Variants in NARS2 observed in about 807,000 individuals in gnomAD.
NARS2 encodes asparaginyl-tRNA synthetase 2, mitochondrial.
Under a neutral mutation model 62.9 loss-of-function variants are expected in NARS2, and 60 were observed. The ratio of observed to expected loss-of-function variants is 0.95; its 90% confidence interval spans 0.77 to 1.18. NARS2 has a LOEUF of 1.18. Among genes scored for constraint, NARS2 ranks in the 50% most tolerant of loss-of-function variants. The pLI is 0.00. For missense variants in NARS2, 619 were observed against 576.4 expected (o/e 1.07, Z -0.76); for synonymous variants, 196 against 200.0 (o/e 0.98, Z 0.17).
intron 11 of NARS2, among the ~76,000 whole-genome samples, chr11:78,457,820 ACACACACAAAC>A (rs1591142304): frequency 1.3e-5 from 2 of 151,498 alleles, no homozygotes; most frequent in Admixed American, 6.6e-5. Context: ...ACACACACAC[ACACACACAAAC>A]ACACACACAC....
chr11:78,528,350 GA>G (rs1462478050), intron 6 of NARS2, among the ~76,000 whole-genome samples: 1 of 152,180 alleles, frequency 6.6e-6, no homozygotes, highest in African/African-American at 2.4e-5. Context: ...GGAATACAGT[GA>G]CTTTCCAGAG....
At chr11:78,495,843 T>C (rs2135337231) in intron 6 of NARS2, among the ~76,000 whole-genome samples, 1 of 152,276 alleles carries the variant, frequency 6.6e-6, no homozygotes, top group Non-Finnish European at 1.5e-5. Flanking sequence ...GTACAGTACA[T>C]CTAAATAAGT....
chr11:78,536,811 T>C (rs1183600073), intron 5 of NARS2, among the ~76,000 whole-genome samples: 2 of 152,210 alleles, frequency 1.3e-5, no homozygotes, highest in Admixed American at 1.3e-4. Context: ...TCCTACTCAC[T>C]TATAATTCAC....
intron 4 of NARS2, among the ~76,000 whole-genome samples, chr11:78,565,082 T>C (rs1455818145): frequency 6.6e-6 from 1 of 152,222 alleles, no homozygotes; most frequent in Non-Finnish European, 1.5e-5. Context: ...GATCACTCCT[T>C]GTCTTTGGGG....
In NARS2 at chr11:78,552,351, C is replaced by T. The variant is rs190263051; in HGVS notation, c.594+7188G>A. 4.5e-3 allele frequency among the ~76,000 whole-genome samples: 685 copies of T among 152,270 alleles called. 5 individuals carry two copies. Among genetic ancestry groups the T allele is most frequent in the African/African-American group, 0.016 (656 of 41,554 alleles). ...TTCCTTTTTATGGCTGCATAATATTCTACGGTGTATGTGTACCATATTTTC... is the reference window on the plus strand; with the variant it reads ...TTCCTTTTTATGGCTGCATAATATTTTACGGTGTATGTGTACCATATTTTC... On this transcript the variant is annotated intron_variant, in intron 5 of 13. Transcript: ENST00000281038.
chr11:78,538,062 C>T (rs1370814467), intron 5 of NARS2, among the ~76,000 whole-genome samples: 1 of 152,140 alleles, frequency 6.6e-6, no homozygotes, highest in Non-Finnish European at 1.5e-5. Flanking sequence ...CTCCATCCTG[C>T]CCTGGACATG....
intron 11 of NARS2, among the ~76,000 whole-genome samples, chr11:78,461,899 G>C (rs912051782): frequency 6.6e-6 from 1 of 152,044 alleles, no homozygotes; most frequent in South Asian, 2.1e-4. Context: ...GGTGCAATGA[G>C]CCAAGATCGT....
intron 5 of NARS2, among the ~76,000 whole-genome samples, chr11:78,534,047 T>C (rs1240048274): frequency 1.3e-5 from 2 of 152,206 alleles, no homozygotes; most frequent in East Asian, 1.9e-4. Context: ...TATTTCTCCA[T>C]TTACCTAATA....
At chr11:78,439,196 C>T (rs1249062297) in intron 13 of NARS2, among the ~76,000 whole-genome samples, 1 of 152,104 alleles carries the variant, frequency 6.6e-6, no homozygotes, top group Non-Finnish European at 1.5e-5. Context: ...TGTCACCACG[C>T]TGGGCTAATG....
chr11:78,538,911 C>T (rs541284008), intron 5 of NARS2, among the ~76,000 whole-genome samples: 3 of 134,536 alleles, frequency 2.2e-5, no homozygotes, highest in East Asian at 2.4e-4. Flanking sequence ...AGGAGAATGG[C>T]GTGAACCTGG....
At chr11:78,543,049 G>A (rs971131365) in intron 5 of NARS2, among the ~76,000 whole-genome samples, 1 of 152,128 alleles carries the variant, frequency 6.6e-6, no homozygotes, top group Non-Finnish European at 1.5e-5. Context: ...ACGGTGGTGG[G>A]TGCCTGTAAT....
chr11:78,494,269 T>C (rs1205468195), intron 6 of NARS2, among the ~76,000 whole-genome samples: 1 of 152,200 alleles, frequency 6.6e-6, no homozygotes, highest in African/African-American at 2.4e-5. Context: ...CAAGCACATA[T>C]GAAGTAATAA....
rs545741204 is a variant in NARS2, at chr11:78,535,779, T to C, written c.595-6843A>G. Among the ~76,000 whole-genome samples the C allele has an allele frequency of 2.4e-3, 360 of 151,938 alleles. 2 individuals are homozygous for C. Among genetic ancestry groups the C allele is most frequent in the African/African-American group, 8.4e-3 (348 of 41,476 alleles). ...ATTACAGGCATGCACCACCACGCCT[T>C]GCTAATTTTGTATTTTTAGTAGAGA... On this transcript the variant is annotated intron_variant, in intron 5 of 13. Coordinates refer to ENST00000281038, the MANE Select transcript of NARS2 (RefSeq NM_024678.6).
intron 11 of NARS2, among the ~76,000 whole-genome samples, chr11:78,463,044 A>G (rs1858457269): frequency 5.9e-5 from 9 of 152,164 alleles, no homozygotes; most frequent in Admixed American, 5.2e-4. Context: ...TTCTTACTTT[A>G]TATTATTGCC....
chr11:78,557,554 G>C (rs1380459871), intron 5 of NARS2, among the ~76,000 whole-genome samples: 1 of 152,182 alleles, frequency 6.6e-6, no homozygotes, highest in Non-Finnish European at 1.5e-5. Flanking sequence ...TGAAACCTGA[G>C]CTAGATCCTG....
rs59664343 is a variant in NARS2, at chr11:78,461,602, T to TAAAAAAAAAAA, written c.1164+4263_1164+4273dup. Among the ~76,000 whole-genome samples the TAAAAAAAAAAA allele has an allele frequency of 5.8e-4, 37 of 64,074 alleles. 3 individuals carry two copies. The highest frequency in any genetic ancestry group is 2.1e-3 in the African/African-American group (35 of 16,412). 42.0% of individuals were successfully genotyped at this position (64,074 alleles called of 152,430 possible). A position where few individuals can be genotyped will look rare whatever the true frequency, so the allele number is the denominator to read the frequency against. ...GAATGAGTGGGAGATGCTGTGCTGG[T>TAAAAAAAAAAA]AAAAAAAAAAAAAAAAAAAAAAAAA... On this transcript the variant is annotated intron_variant, in intron 11 of 13. Coordinates refer to ENST00000281038, the MANE Select transcript of NARS2 (RefSeq NM_024678.6).
At chr11:78,443,019 A>G (rs1339756012) in intron 12 of NARS2, among the ~76,000 whole-genome samples, 2 of 152,146 alleles carry the variant, frequency 1.3e-5, no homozygotes, top group South Asian at 2.1e-4. Context: ...AAGAACACAG[A>G]TAAGATAAAA....
chr11:78,550,389 C>A (rs1400818531), intron 5 of NARS2, among the ~76,000 whole-genome samples: 1 of 152,128 alleles, frequency 6.6e-6, no homozygotes, highest in Admixed American at 6.5e-5. Flanking sequence ...TTCCTTCAGT[C>A]ATTTTCTGTC....
At chr11:78,491,026 A>G (rs139790543) in intron 7 of NARS2, among the ~76,000 whole-genome samples, 9 of 152,356 alleles carry the variant, frequency 5.9e-5, no homozygotes, top group African/African-American at 2.2e-4. Flanking sequence ...ATGGTAAAAT[A>G]TAATTGTAGA....
Sources: gnomAD v4.1 joint callset for allele counts (sites outside exome capture counted in the v4.1 genomes callset) on GRCh38, gnomAD v4.1.1 for gene constraint, MANE v1.5 for transcripts, NCBI Gene and HGNC (gene_info 2026-07-23, HGNC 2026-07-21) for gene names.